The following ERBB4 variants were observed in gnomAD, a reference collection of about 807,000 sequenced individuals.
The protein encoded by ERBB4 is erb-b2 receptor tyrosine kinase 4.
A neutral mutation model predicts 158.0 loss-of-function variants in ERBB4; 42 were observed. The ratio of observed to expected loss-of-function variants is 0.27; its 90% CI spans 0.21 to 0.34. ERBB4 has a LOEUF of 0.34. Ranked by LOEUF, ERBB4 falls within the 10% of genes least tolerant of loss-of-function variation. The pLI, the probability that ERBB4 is intolerant of heterozygous loss-of-function variation, is 1.00. For missense variants in ERBB4, 1,333 were observed against 1,624.1 expected, an observed-to-expected ratio of 0.82 and a Z score of 3.08; for synonymous variants, 583 against 558.7, an observed-to-expected ratio of 1.04 and a Z score of -0.61.
At chr2:211,571,490 G>A (rs138293712) in intron 19 of ERBB4, among the ~76,000 whole-genome samples, 5 of 152,192 alleles carry the variant, frequency 3.3e-5, no homozygotes, top group Admixed American at 6.5e-5. Context: ...TTCCAAACAT[G>A]AGAATTATGT....
intron 1 of ERBB4, among the ~76,000 whole-genome samples, chr2:212,359,597 C>T (rs938178260): frequency 1.3e-5 from 2 of 151,718 alleles, no homozygotes; most frequent in African/African-American, 4.8e-5. Flanking sequence ...GTTCTAGCTG[C>T]TGTAAACACT....
chr2:212,245,783 G>A (rs116204253), intron 1 of ERBB4, among the ~76,000 whole-genome samples: 154 of 152,088 alleles, frequency 1.0e-3, no homozygotes, highest in African/African-American at 3.6e-3. Context: ...TGCTTACAGC[G>A]GCTTGTCAAG....
At chr2:212,052,464 T>C (rs2077426705) in intron 2 of ERBB4, among the ~76,000 whole-genome samples, 1 of 152,198 alleles carries the variant, frequency 6.6e-6, no homozygotes, top group African/African-American at 2.4e-5. Flanking sequence ...TATACACATC[T>C]ATCCTACTAG....
At chr2:211,828,049 C>T (rs751611867) in intron 3 of ERBB4, among the ~76,000 whole-genome samples, 9 of 152,092 alleles carry the variant, frequency 5.9e-5, no homozygotes, top group South Asian at 4.2e-4. Context: ...TTCCAGGACT[C>T]CAGATTAATG....
chr2:212,374,035 CATATATATCCATAT>C (rs1428399479), intron 1 of ERBB4, among the ~76,000 whole-genome samples: 1 of 96,808 alleles, frequency 1.0e-5, no homozygotes, highest in East Asian at 2.4e-4. Flanking sequence ...TATATATATC[CATATATATCCATAT>C]ATATATATCC....
intron 19 of ERBB4, among the ~76,000 whole-genome samples, chr2:211,587,954 C>T (rs1328587295): frequency 6.6e-6 from 1 of 152,050 alleles, no homozygotes; most frequent in Non-Finnish European, 1.5e-5. Flanking sequence ...TTAGAAAACA[C>T]CCAAAGTTCT....
chr2:211,714,935 G>T (rs565524066), intron 7 of ERBB4, among the ~76,000 whole-genome samples: 1 of 152,122 alleles, frequency 6.6e-6, no homozygotes, highest in Non-Finnish European at 1.5e-5. Flanking sequence ...ATGGCTGTGT[G>T]GGGGCTAAGA....
At chr2:211,509,461 A>G (rs2065835892) in intron 20 of ERBB4, among the ~76,000 whole-genome samples, 1 of 152,174 alleles carries the variant, frequency 6.6e-6, no homozygotes, top group Non-Finnish European at 1.5e-5. Flanking sequence ...TGGATTAAAA[A>G]TTTAAATGTA....
chr2:212,408,036 ATATAT>A (rs1254718465), intron 1 of ERBB4, among the ~76,000 whole-genome samples: 2 of 151,928 alleles, frequency 1.3e-5, no homozygotes, highest in African/African-American at 2.4e-5. Flanking sequence ...ATATTTATAA[ATATAT>A]TAAAATATTT....
intron 20 of ERBB4, among the ~76,000 whole-genome samples, chr2:211,475,010 T>C (rs900572672): frequency 6.6e-6 from 1 of 151,916 alleles, no homozygotes; most frequent in African/African-American, 2.4e-5. Context: ...AACAGTATGG[T>C]GAGGAAAATT....
chr2:211,847,854 T>A (rs537072641), intron 3 of ERBB4, among the ~76,000 whole-genome samples: 1 of 152,260 alleles, frequency 6.6e-6, no homozygotes, highest in Admixed American at 6.5e-5. Context: ...CGTGATGCCA[T>A]TGTGTGTATT....
intron 20 of ERBB4, among the ~76,000 whole-genome samples, chr2:211,448,388 G>A (rs2064163382): frequency 6.6e-6 from 1 of 152,034 alleles, no homozygotes; most frequent in Non-Finnish European, 1.5e-5. Flanking sequence ...CTAACTTTGA[G>A]CAAGGTGTTT....
intron 25 of ERBB4, among the ~76,000 whole-genome samples, chr2:211,411,494 A>G (rs900113583): frequency 3.3e-5 from 5 of 152,354 alleles, no homozygotes; most frequent in Non-Finnish European, 7.3e-5. Flanking sequence ...TCTATAATAC[A>G]TAAGGAGAGG....
chr2:211,746,784 C>T (rs1018897424), intron 5 of ERBB4, among the ~76,000 whole-genome samples: 5 of 149,062 alleles, frequency 3.4e-5, no homozygotes, highest in Non-Finnish European at 5.9e-5. Context: ...GAGCCGAGAT[C>T]GCACCACCGC....
intron 20 of ERBB4, among the ~76,000 whole-genome samples, chr2:211,503,528 C>T (rs1343301735): frequency 1.3e-5 from 2 of 152,134 alleles, no homozygotes; most frequent in Non-Finnish European, 1.5e-5. Flanking sequence ...GCAGTTCCTC[C>T]TAGTCCAGAT....
chr2:212,444,585 T>C (rs769405136), intron 1 of ERBB4, among the ~76,000 whole-genome samples: 2 of 152,136 alleles, frequency 1.3e-5, no homozygotes, highest in Non-Finnish European at 2.9e-5. Context: ...AATAATCAAG[T>C]GGATATGATG....
chr2:212,529,456 G>C (rs1692630297), intron 1 of ERBB4, among the ~76,000 whole-genome samples: 1 of 152,030 alleles, frequency 6.6e-6, no homozygotes, highest in African/African-American at 2.4e-5. Flanking sequence ...AAATACCCTA[G>C]GAAGCTCAAG....
At chr2:211,449,000 T>C (rs1187338443) in intron 20 of ERBB4, among the ~76,000 whole-genome samples, 1 of 152,140 alleles carries the variant, frequency 6.6e-6, no homozygotes, top group Non-Finnish European at 1.5e-5. Flanking sequence ...TAATTACTAT[T>C]CTATGTATAC....
At chr2:212,061,382 G>T (rs970926625) in intron 2 of ERBB4, among the ~76,000 whole-genome samples, 1 of 149,524 alleles carries the variant, frequency 6.7e-6, no homozygotes, top group African/African-American at 2.5e-5. Flanking sequence ...GAACCCAGGA[G>T]GGGGAGGTTG....
Sources: gnomAD v4.1 joint callset for allele counts (sites outside exome capture counted in the v4.1 genomes callset) on GRCh38, gnomAD v4.1.1 for gene constraint, MANE v1.5 for transcripts, NCBI Gene and HGNC (gene_info 2026-07-23, HGNC 2026-07-21) for gene names.